Variants in C8A observed in about 807,000 individuals in gnomAD.
The protein encoded by C8A is complement component C8 alpha chain.
C8A carries 67 observed loss-of-function variants against 65.3 expected under a neutral mutation model. The ratio of observed to expected loss-of-function variants is 1.03; its 90% confidence interval spans 0.84 to 1.26. The LOEUF is 1.26. Among genes scored for constraint, C8A ranks in the 50% most tolerant of loss-of-function variants. The pLI, the probability that C8A is intolerant of heterozygous loss-of-function variation, is 0.00. For synonymous variants in C8A, 290 were observed against 259.4 expected, an observed-to-expected ratio of 1.12 and a Z score of -1.13; for missense variants, 781 against 723.9, an observed-to-expected ratio of 1.08 and a Z score of -0.90.
At chr1:56,872,971 G>A (rs1157733249) in intron 2 of C8A, among the ~76,000 whole-genome samples, 1 of 152,128 alleles carries the variant, frequency 6.6e-6, no homozygotes, top group African/African-American at 2.4e-5. Context: ...TGTGCTGAGG[G>A]GCAAGAGTGT....
chr1:56,891,385 C>T (rs765165422), intron 7 of C8A, among the ~76,000 whole-genome samples: 9 of 151,980 alleles, frequency 5.9e-5, no homozygotes, highest in East Asian at 1.9e-4. Context: ...TCTTACTGGC[C>T]GTAGTAAGAA....
Position 56,885,909 on chromosome 1 carries a change from A to G in C8A, c.856-18A>G, listed in dbSNP as rs1447742075. 6.2e-7 allele frequency: 1 copy of G among 1,613,716 alleles called. No homozygotes were observed. The highest frequency in any genetic ancestry group is 8.5e-7 in the Non-Finnish European group (1 of 1,179,846). On this transcript the variant is annotated intron_variant, in intron 6 of 10. Coordinates refer to ENST00000361249, the MANE Select transcript of C8A (RefSeq NM_000562.3). ...CTCTCTTTGTTCTTTTGCTTTATTC[A>G]ATGGCGGTTGCTGGCAGAAATTCAT...
At chr1:56,902,421 A>G (rs1644433547) in intron 7 of C8A, among the ~76,000 whole-genome samples, 1 of 152,050 alleles carries the variant, frequency 6.6e-6, no homozygotes, top group Non-Finnish European at 1.5e-5. Flanking sequence ...CGCCTCTAAT[A>G]TTTTCAAAAG....
Position 56,917,547 on chromosome 1 carries a change from G to T in C8A, c.1604-18G>T, listed in dbSNP as rs1276541522. 3 of 1,613,884 alleles carry T rather than the reference G, an allele frequency of 1.9e-6. No individual in the cohort carries two copies. In the African/African-American group the frequency reaches 4.0e-5, roughly 22 times the overall value. ...GCCATATGCTAACCTTCTCCTCCCT[G>T]GGAAATTTCCTCTGCAGGAGCCAAA... is the stretch of plus-strand genomic sequence containing the variant. On this transcript the variant is annotated intron_variant, in intron 10 of 10. Transcript: ENST00000361249.
intron 8 of C8A, 101 bp from the exon 9 acceptor site, chr1:56,907,855 A>G: frequency 7.2e-7 from 1 of 1,385,130 alleles, no homozygotes; most frequent in African/African-American, 1.4e-5. Flanking sequence ...CATCTAAGGA[A>G]AACATGTAAA....
chr1:56,885,983 G>C lies in C8A; in HGVS notation c.912G>C (p.Arg304Ser), dbSNP rs766398440. Residue 304 changes from arginine to serine, a missense_variant, in exon 7 of 11, where the codon AGG (arginine) becomes AGC (serine). Arg to Ser is a moderately radical substitution (Grantham distance 110, BLOSUM62 -1). Transcript: ENST00000361249. ...TKVQTAHFKM[R>S]KDDIMLDEGM... ...TGCAGACTGCACATTTTAAGATGAG[G>C]AAGGATGACATTATGCTGGATGAAG... The C allele has an allele frequency of 1.2e-6, 2 of 1,613,910 alleles. No individual in the cohort carries two copies. Among genetic ancestry groups the C allele is most frequent in the African/African-American group, 2.7e-5 (2 of 74,936 alleles).
intron 1 of C8A, among the ~76,000 whole-genome samples, chr1:56,859,423 T>C (rs1231225406): frequency 1.3e-5 from 2 of 152,200 alleles, no homozygotes; most frequent in African/African-American, 4.8e-5. Flanking sequence ...GGCACTATGT[T>C]AGCATAGGAC....
chr1:56,901,442 G>A (rs987312644), intron 7 of C8A, among the ~76,000 whole-genome samples: 8 of 152,116 alleles, frequency 5.3e-5, no homozygotes, highest in African/African-American at 1.9e-4. Flanking sequence ...ATGGAGGTGT[G>A]AGGGTGGCTC....
chr1:56,916,055 G>A (rs941488046), intron 10 of C8A, among the ~76,000 whole-genome samples: 2 of 152,220 alleles, frequency 1.3e-5, no homozygotes, highest in African/African-American at 4.8e-5. Flanking sequence ...CAGGAAGAAG[G>A]GGGAGTGTGG....
chr1:56,864,913 G>T (rs972721555), intron 1 of C8A, among the ~76,000 whole-genome samples: 2 of 152,078 alleles, frequency 1.3e-5, no homozygotes, highest in African/African-American at 2.4e-5. Context: ...GTTTACAGTC[G>T]CACTGATGGT....
intron 10 of C8A, 99 bp downstream of exon 10, chr1:56,912,724 T>C: frequency 9.3e-7 from 1 of 1,077,962 alleles, no homozygotes; most frequent in Non-Finnish European, 1.4e-6. Context: ...CTTTTGGAGC[T>C]CTCCTAGCCA....
At position 56,863,628 on chromosome 1, in the gene C8A, C is replaced by T. The variant is rs546993766; in HGVS notation, c.78-3981C>T. ...CTCCCTATACCTTCTGTCTCTCCTT[C>T]CAATTCGCCATGTTCCCCCACTTCA... On this transcript the variant is annotated intron_variant, in intron 1 of 10. Coordinates refer to ENST00000361249, the MANE Select transcript of C8A (RefSeq NM_000562.3). Among the ~76,000 whole-genome samples the T allele has an allele frequency of 3.9e-5, 6 of 152,274 alleles. No individual in the cohort carries two copies. The South Asian group carries it at 1.0e-3, about 26-fold the overall frequency.
rs548159285 is a variant in C8A at position 56,909,287 on chromosome 1, T to A, written c.1380+1174T>A. On this transcript the variant is annotated intron_variant, in intron 9 of 10. Coordinates refer to ENST00000361249, the MANE Select transcript of C8A (RefSeq NM_000562.3). ...TTTTCTCCCCACCCTTGCCTATTTT[T>A]CTACATATATTTAAAATCCCAGATA... Among the ~76,000 whole-genome samples the A allele has an allele frequency of 1.2e-4, 18 of 152,346 alleles. No individual in the cohort carries two copies. In the East Asian group the frequency reaches 3.3e-3, roughly 28 times the overall value.
chr1:56,914,829 CA>C (rs1557717841), intron 10 of C8A, among the ~76,000 whole-genome samples: 1 of 152,086 alleles, frequency 6.6e-6, no homozygotes, highest in Non-Finnish European at 1.5e-5. Context: ...AGGCATGCAC[CA>C]CCATGCCTGG....
At chr1:56,910,410 C>A (rs541950932) in intron 9 of C8A, among the ~76,000 whole-genome samples, 1 of 152,298 alleles carries the variant, frequency 6.6e-6, no homozygotes, top group East Asian at 1.9e-4. Context: ...CTCTTCTCCA[C>A]CTCTCTCTCC....
chr1:56,894,149 A>T (rs1297581560), intron 7 of C8A, among the ~76,000 whole-genome samples: 7 of 152,144 alleles, frequency 4.6e-5, no homozygotes, highest in African/African-American at 7.2e-5. Flanking sequence ...TGGGGATAAG[A>T]GGAAGATCCA....
At position 56,854,886 on chromosome 1, in the gene C8A, G is replaced by A. The variant is rs1159578916; in HGVS notation, c.-16G>A. ...TATTCCTTCAAGGTAATATAGTGCG[G>A]TGGCTTCTGGCTGAGATGTTTGCTG... On this transcript the variant is annotated 5_prime_UTR_variant, in exon 1 of 11. The change creates a new upstream start codon in the 5' untranslated region. Coordinates refer to ENST00000361249, the MANE Select transcript of C8A (RefSeq NM_000562.3). The A allele has an allele frequency of 1.9e-6, 3 of 1,611,370 alleles. No individual in the cohort carries two copies. The highest frequency in any genetic ancestry group is 2.5e-6 in the Non-Finnish European group (3 of 1,178,390).
intron 2 of C8A, among the ~76,000 whole-genome samples, chr1:56,869,845 C>T (rs1644126396): frequency 6.6e-6 from 1 of 152,178 alleles, no homozygotes; most frequent in Admixed American, 6.5e-5. Flanking sequence ...CACCTGAGTT[C>T]TTGCAGGGTT....
chr1:56,857,418 A>G (rs1643987719), intron 1 of C8A, among the ~76,000 whole-genome samples: 1 of 151,874 alleles, frequency 6.6e-6, no homozygotes, highest in Non-Finnish European at 1.5e-5. Context: ...TTGTTCTGCA[A>G]CCTATTATGT....
Sources: gnomAD v4.1 joint callset for allele counts (sites outside exome capture counted in the v4.1 genomes callset) on GRCh38, gnomAD v4.1.1 for gene constraint, MANE v1.5 for transcripts, NCBI Gene and HGNC (gene_info 2026-07-23, HGNC 2026-07-21) for gene names.